The following ZNF385D variants were observed in gnomAD, a reference collection of about 807,000 sequenced individuals.
ZNF385D encodes the protein zinc finger protein 659.
A neutral mutation model predicts 35.8 loss-of-function variants in ZNF385D; 15 were observed. That is an observed-to-expected ratio of 0.42 (90% CI 0.28 to 0.64). The LOEUF (loss-of-function observed/expected upper bound fraction) is 0.64, where lower values mean the gene tolerates loss of function less well. Ranked by LOEUF, ZNF385D falls within the 30% of genes least tolerant of loss-of-function variation. ZNF385D has a pLI of 0.23. For missense variants in ZNF385D, 474 were observed against 494.6 expected (o/e 0.96, Z 0.39); for synonymous variants, 212 against 186.8 (o/e 1.13, Z -1.10).
chr3:21,505,001 G>A (rs1234465542), intron 4 of ZNF385D, among the ~76,000 whole-genome samples: 2 of 152,180 alleles, frequency 1.3e-5, no homozygotes, highest in African/African-American at 2.4e-5. Flanking sequence ...AGGCCAGGAT[G>A]TGGGTAGTAA....
intron 3 of ZNF385D, among the ~76,000 whole-genome samples, chr3:22,007,180 A>G (rs1696263397): frequency 6.6e-6 from 1 of 152,318 alleles, no homozygotes; most frequent in African/African-American, 2.4e-5. Context: ...ATCCATACCT[A>G]TTAATAACCA....
At chr3:21,688,151 TA>T (rs972180791) in intron 1 of ZNF385D, among the ~76,000 whole-genome samples, 3 of 152,062 alleles carry the variant, frequency 2.0e-5, no homozygotes, top group East Asian at 1.9e-4. Flanking sequence ...TTTCTTTTTT[TA>T]AAAAAACTAT....
chr3:22,314,196 T>A (rs1559514348), intron 2 of ZNF385D, among the ~76,000 whole-genome samples: 5 of 152,146 alleles, frequency 3.3e-5, no homozygotes, highest in Non-Finnish European at 7.3e-5. Context: ...GATGGTGATT[T>A]GTGAGATTTT....
chr3:21,687,770 T>C (rs2067153603), intron 1 of ZNF385D, among the ~76,000 whole-genome samples: 2 of 152,162 alleles, frequency 1.3e-5, no homozygotes, highest in African/African-American at 4.8e-5. Flanking sequence ...GAAATAAATA[T>C]AAAAAGAAAA....
intron 3 of ZNF385D, among the ~76,000 whole-genome samples, chr3:21,807,818 T>C (rs1367191505): frequency 1.3e-5 from 2 of 152,204 alleles, no homozygotes; most frequent in African/African-American, 4.8e-5. Flanking sequence ...GCCCCACTTT[T>C]GAGATTTGAA....
chr3:22,222,308 C>T (rs1698307139), intron 2 of ZNF385D, among the ~76,000 whole-genome samples: 1 of 151,842 alleles, frequency 6.6e-6, no homozygotes, highest in Non-Finnish European at 1.5e-5. Flanking sequence ...ACATAGTCTT[C>T]ACCACCCAGC....
At chr3:22,220,399 A>G (rs936937295) in intron 2 of ZNF385D, among the ~76,000 whole-genome samples, 11 of 151,198 alleles carry the variant, frequency 7.3e-5, no homozygotes, top group Non-Finnish European at 4.4e-5. Context: ...TAATTTCTCC[A>G]ATTTCAATCA....
At chr3:22,063,552 A>C (rs779167) in intron 3 of ZNF385D, among the ~76,000 whole-genome samples, 102,862 of 151,992 alleles carry the variant, frequency 0.68, 35,848 homozygotes, top group African/African-American at 0.85. Context: ...TAAAGTCCCT[A>C]ACAATAGTTA....
In ZNF385D at chr3:21,420,125, C is replaced by A. The variant is rs572367904; in HGVS notation, c.*1089G>T. ...CAGGTAATCTAAAAAACAAGAAAAA[C>A]CCATAAAAATAGCTAATGCTTAATT... On this transcript the variant is annotated 3_prime_UTR_variant, in exon 8 of 8. Transcript: ENST00000281523. 1 of 152,002 alleles carries A rather than the reference C, an allele frequency of 6.6e-6. No homozygotes were observed. The highest frequency in any genetic ancestry group is 1.9e-4 in the East Asian group (1 of 5,176). 9.4% of individuals were successfully genotyped at this position (152,002 alleles called of 1,614,324 possible). A position where few individuals can be genotyped will look rare whatever the true frequency, so the allele number is the denominator to read the frequency against.
chr3:22,075,134 T>C (rs1283675658), intron 3 of ZNF385D, among the ~76,000 whole-genome samples: 1 of 151,942 alleles, frequency 6.6e-6, no homozygotes, highest in East Asian at 1.9e-4. Flanking sequence ...GCATTGATAC[T>C]TTCTAAATCT....
chr3:21,542,055 A>AT (rs1002058928), intron 3 of ZNF385D, among the ~76,000 whole-genome samples: 2 of 152,010 alleles, frequency 1.3e-5, no homozygotes, highest in Non-Finnish European at 2.9e-5. Context: ...GACAATAGTA[A>AT]TTTTTTTTCA....
chr3:21,483,970 G>A (rs866263618), intron 4 of ZNF385D, among the ~76,000 whole-genome samples: 1 of 151,614 alleles, frequency 6.6e-6, no homozygotes, highest in African/African-American at 2.4e-5. Context: ...TGTCAGTCAG[G>A]GTCCAATCAA....
At chr3:22,358,999 T>G (rs1481743035) in intron 2 of ZNF385D, among the ~76,000 whole-genome samples, 2 of 151,300 alleles carry the variant, frequency 1.3e-5, no homozygotes, top group Admixed American at 1.3e-4. Flanking sequence ...AGATGATCCC[T>G]TTCTGACATT....
intron 4 of ZNF385D, among the ~76,000 whole-genome samples, chr3:21,497,013 G>A (rs1306620257): frequency 1.3e-5 from 2 of 151,956 alleles, no homozygotes; most frequent in Non-Finnish European, 2.9e-5. Flanking sequence ...CCTCTCTCAC[G>A]ACTCCTATCC....
intron 3 of ZNF385D, among the ~76,000 whole-genome samples, chr3:22,116,434 A>G (rs9883046): frequency 0.23 from 34,744 of 152,008 alleles, 4,772 homozygotes; most frequent in African/African-American, 0.39. Context: ...GAATGAATGC[A>G]TTCTGTAACA....
chr3:22,123,259 T>A (rs1703206324), intron 3 of ZNF385D, among the ~76,000 whole-genome samples: 1 of 151,964 alleles, frequency 6.6e-6, no homozygotes, highest in African/African-American at 2.4e-5. Flanking sequence ...GAGTAGATCT[T>A]AAAGTGAGAA....
chr3:22,186,288 A>G (rs116821040), intron 2 of ZNF385D, among the ~76,000 whole-genome samples: 47 of 152,320 alleles, frequency 3.1e-4, no homozygotes, highest in African/African-American at 1.1e-3. Flanking sequence ...CCAGACGAGC[A>G]TGAGTTCAGA....
At chr3:21,876,480 T>C (rs1261692228) in intron 3 of ZNF385D, among the ~76,000 whole-genome samples, 1 of 151,584 alleles carries the variant, frequency 6.6e-6, no homozygotes, top group Non-Finnish European at 1.5e-5. Context: ...ATATATATAT[T>C]CTTTTGACTA....
In ZNF385D at chr3:21,469,567, A is replaced by G. The variant is rs137878253; in HGVS notation, c.440-32364T>C. Among the ~76,000 whole-genome samples, 358 of 152,312 alleles carry G rather than the reference A, an allele frequency of 2.4e-3. 3 individuals carry two copies. Among genetic ancestry groups the G allele is most frequent in the African/African-American group, 8.3e-3 (344 of 41,566 alleles). ...AATATACATTGAACATATATCAGAC[A>G]AAAGAATACATTTAGGTTTATACTC... is the stretch of plus-strand genomic sequence containing the variant. On this transcript the variant is annotated intron_variant, in intron 4 of 7. Coordinates refer to ENST00000281523, the MANE Select transcript of ZNF385D (RefSeq NM_024697.3).
Sources: allele counts gnomAD v4.1 joint callset (sites outside exome capture counted in the v4.1 genomes callset), GRCh38; gene constraint gnomAD v4.1.1; transcripts MANE v1.5; gene names NCBI Gene and HGNC (gene_info 2026-07-23, HGNC 2026-07-21).